Variants in RMND5A observed in about 807,000 individuals in gnomAD.
RMND5A encodes E3 ubiquitin-protein transferase RMND5A.
A neutral mutation model predicts 49.7 loss-of-function variants in RMND5A; 17 were observed. The observed-to-expected ratio is 0.34, with a 90% confidence interval of 0.23 to 0.51. The LOEUF (loss-of-function observed/expected upper bound fraction) is 0.51, where lower values mean the gene tolerates loss of function less well. Ranked by LOEUF, RMND5A falls within the 20% of genes least tolerant of loss-of-function variation. RMND5A has a pLI of 0.96. For missense variants in RMND5A, 255 were observed against 471.3 expected, an observed-to-expected ratio of 0.54 and a Z score of 4.25; for synonymous variants, 156 against 167.7, an observed-to-expected ratio of 0.93 and a Z score of 0.54.
intron 2 of RMND5A, among the ~76,000 whole-genome samples, chr2:86,746,392 T>C (rs1298797731): frequency 6.6e-6 from 1 of 152,252 alleles, no homozygotes; most frequent in Non-Finnish European, 1.5e-5. Flanking sequence ...AGGTTTGGCC[T>C]GGCTCTCAGA....
chr2:86,757,424 C>T (rs77286551), intron 4 of RMND5A, among the ~76,000 whole-genome samples: 1,840 of 152,204 alleles, frequency 0.012, 42 homozygotes, highest in African/African-American at 0.042. Context: ...TTTCTCTTGG[C>T]GCCTAGAGTA....
At chr2:86,762,305 C>G (rs1242455396) in intron 4 of RMND5A, among the ~76,000 whole-genome samples, 1 of 152,160 alleles carries the variant, frequency 6.6e-6, no homozygotes, top group Non-Finnish European at 1.5e-5. Context: ...ATCCCAGAGT[C>G]ATTACTGCTA....
chr2:86,763,640 G>A (rs974262852), intron 4 of RMND5A, among the ~76,000 whole-genome samples: 1 of 152,120 alleles, frequency 6.6e-6, no homozygotes, highest in African/African-American at 2.4e-5. Context: ...GCCAGGAATG[G>A]CAGCATACAC....
At chr2:86,752,908 A>G (rs1426438590) in intron 3 of RMND5A, among the ~76,000 whole-genome samples, 2 of 152,238 alleles carry the variant, frequency 1.3e-5, no homozygotes, top group Non-Finnish European at 2.9e-5. Flanking sequence ...GATTTTGTGT[A>G]TGTGTCCATG....
At chr2:86,771,775 A>G (rs771553631) in intron 8 of RMND5A, 63 bp downstream of exon 8, 16 of 1,329,726 alleles carry the variant, frequency 1.2e-5, no homozygotes, top group Non-Finnish European at 1.7e-5. Flanking sequence ...TGGTAGGAGG[A>G]TAAGAAGTGA....
At chr2:86,749,388 TTTTC>T (rs1194644406) in intron 2 of RMND5A, among the ~76,000 whole-genome samples, 2 of 149,706 alleles carry the variant, frequency 1.3e-5, no homozygotes, top group African/African-American at 2.5e-5. Context: ...TATTATTTCT[TTTTC>T]TTTCTTTTTT....
intron 2 of RMND5A, among the ~76,000 whole-genome samples, chr2:86,742,534 G>C (rs1218883423): frequency 3.4e-5 from 5 of 148,306 alleles, no homozygotes; most frequent in African/African-American, 7.5e-5. Flanking sequence ...TGTGGGAGTG[G>C]TGGTGGGACA....
intron 4 of RMND5A, among the ~76,000 whole-genome samples, chr2:86,764,138 A>AT (rs1174461808): frequency 6.6e-6 from 1 of 152,166 alleles, no homozygotes; most frequent in Non-Finnish European, 1.5e-5. Context: ...AGTTACTGAG[A>AT]TTTTGTATTC....
At position 86,720,642 on chromosome 2, in the gene RMND5A, A is replaced by T. The variant is rs1024464226; in HGVS notation, c.-26A>T. The T allele has an allele frequency of 2.0e-6, 3 of 1,522,920 alleles. No homozygotes were observed. Among genetic ancestry groups the T allele is most frequent in the Non-Finnish European group, 2.6e-6 (3 of 1,138,924 alleles). The allele number at this position is 1,522,920 out of a possible 1,614,324, so 94.3% of individuals were successfully genotyped here. ...AACGGCTGCGGACACCTGGGCGCCG[A>T]GGAGCCGAGCGCCGCCGCCTCCGGC... On this transcript the variant is annotated 5_prime_UTR_variant, in exon 1 of 9. Coordinates refer to ENST00000283632, the MANE Select transcript of RMND5A (RefSeq NM_022780.4).
intron 2 of RMND5A, among the ~76,000 whole-genome samples, chr2:86,748,864 G>T (rs941651646): frequency 1.3e-5 from 2 of 152,144 alleles, no homozygotes; most frequent in Non-Finnish European, 2.9e-5. Flanking sequence ...TAAATTTGTT[G>T]TTTGGGGAAA....
chr2:86,768,606 G>A (rs1672638047), intron 6 of RMND5A, among the ~76,000 whole-genome samples: 1 of 152,244 alleles, frequency 6.6e-6, no homozygotes, highest in Admixed American at 6.5e-5. Flanking sequence ...TGGAGCTGCT[G>A]TGGGCCCGTG....
At chr2:86,756,345 A>AC (rs1681739825) in intron 4 of RMND5A, among the ~76,000 whole-genome samples, 1 of 152,128 alleles carries the variant, frequency 6.6e-6, no homozygotes, top group African/African-American at 2.4e-5. Flanking sequence ...GTGAACCAAG[A>AC]CCACACCACC....
chr2:86,760,965 AGTGTGTGTGT>A (rs35942120), intron 4 of RMND5A, among the ~76,000 whole-genome samples: 25 of 145,442 alleles, frequency 1.7e-4, no homozygotes, highest in South Asian at 1.1e-3. Context: ...GAGAGAGAGA[AGTGTGTGTGT>A]GTGTGTGTGT....
At chr2:86,729,283 G>A (rs115426042) in intron 1 of RMND5A, among the ~76,000 whole-genome samples, 7 of 147,008 alleles carry the variant, frequency 4.8e-5, no homozygotes, top group East Asian at 1.9e-4. Flanking sequence ...TGCTTCTGGT[G>A]AGTACAGACA....
chr2:86,776,714 A>C lies in RMND5A; in HGVS notation c.*3303A>C, dbSNP rs1324523482. 1.3e-5 allele frequency: 2 copies of C among 152,320 alleles called. No individual in the cohort carries two copies. The highest frequency in any genetic ancestry group is 3.9e-4 in the East Asian group (2 of 5,186). 9.4% of individuals were successfully genotyped at this position (152,320 alleles called of 1,614,324 possible). ...AAGTGGACTGAGAGCCACGCTGCTC[A>C]GTCTGTTTCGTCAGCCGACTCAGGT... On this transcript the variant is annotated 3_prime_UTR_variant, in exon 9 of 9. Coordinates refer to ENST00000283632, the MANE Select transcript of RMND5A (RefSeq NM_022780.4).
chr2:86,747,612 T>C (rs1408139816), intron 2 of RMND5A, among the ~76,000 whole-genome samples: 1 of 152,206 alleles, frequency 6.6e-6, no homozygotes, highest in Admixed American at 6.5e-5. Flanking sequence ...TCAAAGTAGA[T>C]GGAGAAGTTT....
chr2:86,767,868 C>T (rs1055558568), intron 6 of RMND5A, among the ~76,000 whole-genome samples: 1 of 152,140 alleles, frequency 6.6e-6, no homozygotes, highest in Non-Finnish European at 1.5e-5. Flanking sequence ...TAGTACTACA[C>T]ATATGTGTGA....
At chr2:86,747,758 G>A (rs369519586) in intron 2 of RMND5A, among the ~76,000 whole-genome samples, 5 of 152,270 alleles carry the variant, frequency 3.3e-5, no homozygotes, top group South Asian at 4.1e-4. Flanking sequence ...GTTTTTGACG[G>A]TAAACAGTGA....
intron 2 of RMND5A, among the ~76,000 whole-genome samples, chr2:86,749,548 G>A (rs1276254249): frequency 1.3e-5 from 2 of 151,852 alleles, no homozygotes; most frequent in Non-Finnish European, 2.9e-5. Context: ...CCACCACCAC[G>A]CCCAGCTAAT....
Sources: allele counts gnomAD v4.1 joint callset (sites outside exome capture counted in the v4.1 genomes callset), GRCh38; gene constraint gnomAD v4.1.1; transcripts MANE v1.5; gene names NCBI Gene and HGNC (gene_info 2026-07-23, HGNC 2026-07-21).